SYNE2: variants seen among roughly 807,000 people sequenced by gnomAD.
SYNE2 encodes the protein nesprin-2.
Under a neutral mutation model 856.3 loss-of-function variants are expected in SYNE2, and 431 were observed. That is an observed-to-expected ratio of 0.50 (90% CI 0.47 to 0.55). SYNE2 has a LOEUF of 0.55. Among genes scored for constraint, SYNE2 ranks in the 20% least tolerant of loss-of-function variants. The probability of loss-of-function intolerance (pLI) is 0.00; values close to 1 mark genes in which losing one functional copy is unlikely to be tolerated. For synonymous variants in SYNE2, 2,923 were observed against 2,872.3 expected (o/e 1.02, Z -0.56); for missense variants, 8,129 against 8,023.2 (o/e 1.01, Z -0.50).
At position 63,883,247 on chromosome 14, in the gene SYNE2, C is replaced by T. The variant is rs1001938756; in HGVS notation, c.-51-25851C>T. Among the ~76,000 whole-genome samples the T allele has an allele frequency of 2.6e-5, 4 of 152,020 alleles. No individual in the cohort carries two copies. In the East Asian group the frequency reaches 5.8e-4, roughly 22 times the overall value. On this transcript the variant is annotated intron_variant, in intron 1 of 115. Coordinates refer to ENST00000555002, the MANE Select transcript of SYNE2 (RefSeq NM_182914.3). Reference sequence around the variant, plus strand: ...CTAATTTTTGTATTTTTAGTAGAGACGTGGTTTTGCCATGTTGACCAGGCT... The same window carrying T: ...CTAATTTTTGTATTTTTAGTAGAGATGTGGTTTTGCCATGTTGACCAGGCT...
chr14:63,937,882 C>T (rs1433062594), intron 2 of SYNE2, among the ~76,000 whole-genome samples: 1 of 152,022 alleles, frequency 6.6e-6, no homozygotes, highest in African/African-American at 2.4e-5. Context: ...GTAGGATATC[C>T]TGGGGGTGAG....
At chr14:63,766,817 T>C (rs749826656) in intron 1 of SYNE2, among the ~76,000 whole-genome samples, 9 of 152,226 alleles carry the variant, frequency 5.9e-5, no homozygotes, top group Non-Finnish European at 8.8e-5. Context: ...TTAGATCTCC[T>C]TCTTTGTTAG....
At chr14:63,765,047 C>G (rs144517766) in intron 1 of SYNE2, among the ~76,000 whole-genome samples, 2 of 152,192 alleles carry the variant, frequency 1.3e-5, no homozygotes, top group African/African-American at 4.8e-5. Flanking sequence ...GGAGCTACAG[C>G]CAGGGGGTCA....
chr14:64,026,165 A>G (rs897142963), intron 41 of SYNE2, among the ~76,000 whole-genome samples: 3 of 152,198 alleles, frequency 2.0e-5, no homozygotes, highest in Non-Finnish European at 4.4e-5. Context: ...TAATTATGTC[A>G]TGGTAGAGAA....
intron 2 of SYNE2, among the ~76,000 whole-genome samples, chr14:63,928,059 G>GA (rs889967890): frequency 2.7e-4 from 39 of 144,648 alleles, no homozygotes; most frequent in African/African-American, 4.5e-4. Context: ...TAAAAAGTAG[G>GA]AAAAAAAAAA....
At position 64,220,568 on chromosome 14, in the gene SYNE2, C is replaced by T; in HGVS notation, c.19992C>T (p.Leu6664=). The T allele has an allele frequency of 6.2e-7, 1 of 1,614,174 alleles. No individual in the cohort carries two copies. The highest frequency in any genetic ancestry group is 8.5e-7 in the Non-Finnish European group (1 of 1,180,020). ...GTAGACTCCGCCAGCTGAGCCTGCT[C>T]TGGGAAGCAGCACAGGGCGCAGTGG... ...LQSRLRQLSL[L]WEAAQGAVDS... is the part of the protein sequence containing the mutation. Residue 6664 remains leucine, a synonymous_variant, in exon 111 of 116, where the codon CTC becomes CTT. Transcript: ENST00000555002.
At chr14:64,012,977 T>G (rs956995025) in intron 32 of SYNE2, among the ~76,000 whole-genome samples, 1 of 152,188 alleles carries the variant, frequency 6.6e-6, no homozygotes, top group African/African-American at 2.4e-5. Context: ...ATCTAGGATA[T>G]GGTGACAAAG....
chr14:64,145,402 G>T (rs574991220), intron 83 of SYNE2, among the ~76,000 whole-genome samples: 1 of 151,898 alleles, frequency 6.6e-6, no homozygotes, highest in African/African-American at 2.4e-5. Flanking sequence ...CTGCTACTAG[G>T]GAGGCTGAGG....
intron 49 of SYNE2, 30 bp downstream of exon 49, chr14:64,056,296 G>T: frequency 1.3e-6 from 2 of 1,567,614 alleles, no homozygotes; most frequent in South Asian, 1.1e-5. Context: ...TAATCTTTAA[G>T]AACATAAAAT....
At chr14:63,907,895 G>A (rs2095427347) in intron 1 of SYNE2, among the ~76,000 whole-genome samples, 1 of 152,080 alleles carries the variant, frequency 6.6e-6, no homozygotes, top group Non-Finnish European at 1.5e-5. Flanking sequence ...TCTTAATTTG[G>A]AGGATAAACA....
Position 64,119,514 on chromosome 14 carries a change from C to T in SYNE2, c.12928C>T (p.His4310Tyr), listed in dbSNP as rs768862125. 6.2e-7 allele frequency: 1 copy of T among 1,614,194 alleles called. No homozygotes were observed. The highest frequency in any genetic ancestry group is 1.1e-5 in the South Asian group (1 of 91,086). ...QGLGDNGATQHEAEALSLKLK... is the reference protein window; with the variant it reads ...QGLGDNGATQYEAEALSLKLK... ...CCTGGGAGATAATGGAGCCACTCAA[C>T]ATGAGGCTGAAGCGCTTTCCCTGAA... Residue 4310 changes from histidine to tyrosine, a missense_variant, in exon 67 of 116, where the codon CAT becomes TAT. Around this residue, in one of 3 missense-constraint regions of SYNE2, gnomAD observed 5,410 missense variants for 5,284.8 expected, o/e 1.02. Coordinates refer to ENST00000555002, the MANE Select transcript of SYNE2 (RefSeq NM_182914.3).
intron 32 of SYNE2, among the ~76,000 whole-genome samples, chr14:64,011,975 C>T (rs2096849797): frequency 6.6e-6 from 1 of 152,240 alleles, no homozygotes; most frequent in Middle Eastern, 3.4e-3. Flanking sequence ...CTGTATTTGG[C>T]AGCCCCAAGT....
rs751167235 is a variant in SYNE2, at chr14:63,959,929, C to T, written c.788-1596C>T. On this transcript the variant is annotated intron_variant, in intron 8 of 115. Coordinates refer to ENST00000555002, the MANE Select transcript of SYNE2 (RefSeq NM_182914.3). Reference sequence around the variant, plus strand: ...CACTATAGTAAAAACAAATTTCCTCCGCATAATTGCCCATAATTCATTATA... The same window carrying T: ...CACTATAGTAAAAACAAATTTCCTCTGCATAATTGCCCATAATTCATTATA... Among the ~76,000 whole-genome samples, 9 of 152,170 alleles carry T rather than the reference C, an allele frequency of 5.9e-5. No individual in the cohort carries two copies. In the South Asian group the frequency reaches 1.0e-3, roughly 18 times the overall value.
At chr14:64,046,206 G>C (rs1190634045) in intron 45 of SYNE2, among the ~76,000 whole-genome samples, 2 of 152,254 alleles carry the variant, frequency 1.3e-5, no homozygotes, top group Non-Finnish European at 2.9e-5. Flanking sequence ...AGTGAATGCA[G>C]ATGCATTGTC....
At chr14:63,804,649 A>C (rs949153528) in intron 1 of SYNE2, among the ~76,000 whole-genome samples, 2 of 152,096 alleles carry the variant, frequency 1.3e-5, no homozygotes, top group Non-Finnish European at 1.5e-5. Flanking sequence ...ATGTGCCACC[A>C]TGCCCAGCTA....
Position 63,809,431 on chromosome 14 carries a change from A to G in SYNE2, c.-304-43070A>G, listed in dbSNP as rs368139070. Among the ~76,000 whole-genome samples the G allele has an allele frequency of 6.8e-4, 104 of 152,298 alleles. 1 individual carries two copies. The South Asian group carries it at 0.016, about 24-fold the overall frequency. ...TGTTCTTTTGGTTAAATAGATAACCAGGTATTGCCTCATTGTGGTCTATGA... is the reference window on the plus strand; with the variant it reads ...TGTTCTTTTGGTTAAATAGATAACCGGGTATTGCCTCATTGTGGTCTATGA... On this transcript the variant is annotated intron_variant, in intron 1 of 23. Transcript: ENST00000674003.
intron 66 of SYNE2, among the ~76,000 whole-genome samples, chr14:64,118,533 A>G (rs951798034): frequency 1.3e-5 from 2 of 152,176 alleles, no homozygotes; most frequent in South Asian, 2.1e-4. Flanking sequence ...ATTCTTTTTT[A>G]AATTCCTACT....
chr14:63,990,697 T>G, intron 20 of SYNE2, 128 bp downstream of exon 20: 1 of 895,220 alleles, frequency 1.1e-6, no homozygotes, highest in South Asian at 1.5e-5. Flanking sequence ...TTTTGCATTA[T>G]GTTTTATTTC....
intron 102 of SYNE2, 106 bp downstream of exon 102, chr14:64,209,684 G>A: frequency 6.6e-7 from 1 of 1,513,442 alleles, no homozygotes; most frequent in South Asian, 1.2e-5. Flanking sequence ...CCTCACCTCT[G>A]GCAAGGGCTG....
Sources: allele counts gnomAD v4.1 joint callset (sites outside exome capture counted in the v4.1 genomes callset), GRCh38; gene constraint gnomAD v4.1.1; regional missense constraint gnomAD v4.1.1; transcripts MANE v1.5; gene names NCBI Gene and HGNC (gene_info 2026-07-23, HGNC 2026-07-21).